Variants in SLC25A48 observed in about 807,000 individuals in gnomAD.
SLC25A48 encodes CTC-321K16.1.
SLC25A48 carries 29 observed loss-of-function variants against 32.2 expected under a neutral mutation model. The ratio of observed to expected loss-of-function variants is 0.90; its 90% CI spans 0.67 to 1.23. The LOEUF (loss-of-function observed/expected upper bound fraction) is 1.23. Among genes scored for constraint, SLC25A48 ranks in the 50% most tolerant of loss-of-function variants. The pLI is 0.00. For synonymous variants in SLC25A48, 164 were observed against 172.3 expected (o/e 0.95, Z 0.38); for missense variants, 399 against 422.7 (o/e 0.94, Z 0.49).
At chr5:135,667,099 C>T (rs183342498) in intron 3 of SLC25A48, among the ~76,000 whole-genome samples, 22 of 152,278 alleles carry the variant, frequency 1.4e-4, no homozygotes, top group African/African-American at 5.1e-4. Flanking sequence ...TTGCCCTGAG[C>T]TCTAGCCAAT....
chr5:135,629,432 CT>C lies in SLC25A48; in HGVS notation c.-709+57del, dbSNP rs1370032406. 2.0e-5 allele frequency: 3 copies of C among 152,366 alleles called. No homozygotes were observed. The highest frequency in any genetic ancestry group is 7.2e-5 in the African/African-American group (3 of 41,424). The allele number at this position is 152,366 out of a possible 1,614,324, so 9.4% of individuals were successfully genotyped here. A position where few individuals can be genotyped will look rare whatever the true frequency, so the allele number is the denominator to read the frequency against. Reference sequence around the variant, plus strand: ...CAGTGCCCCACTTTGTTGGCTGCCCCTGAGAGGCAGTTGGGTACACAGGGGT... The same window carrying C: ...CAGTGCCCCACTTTGTTGGCTGCCCCGAGAGGCAGTTGGGTACACAGGGGT... On this transcript the variant is annotated intron_variant, in intron 2 of 10. Coordinates refer to the SLC25A48 transcript ENST00000646290. The surrounding 1 kb of genome is among the most constrained non-coding windows in gnomAD (Gnocchi z 4.8).
intron 1 of SLC25A48, among the ~76,000 whole-genome samples, chr5:135,628,010 G>C (rs979080417): frequency 2.6e-5 from 4 of 152,200 alleles, no homozygotes; most frequent in African/African-American, 9.7e-5. Context: ...ACACAGGTGA[G>C]GGTGATGTGA....
chr5:135,794,599 G>T (rs1757118808), intron 3 of SLC25A48, among the ~76,000 whole-genome samples: 1 of 151,566 alleles, frequency 6.6e-6, no homozygotes. Context: ...ATGTGAAATT[G>T]TTCCTTATAT....
In SLC25A48 at chr5:135,702,491, G is replaced by A. The variant is rs556982942; in HGVS notation, c.-521+67535G>A. On this transcript the variant is annotated intron_variant, in intron 3 of 10. Coordinates refer to the SLC25A48 transcript ENST00000646290. Reference sequence around the variant, plus strand: ...CGGATTCTTCCCTGGGACCTTCAGCGTGAACACGGCCCTGCCAATCCCTTG... The same window carrying A: ...CGGATTCTTCCCTGGGACCTTCAGCATGAACACGGCCCTGCCAATCCCTTG... 6.5e-4 allele frequency among the ~76,000 whole-genome samples: 99 copies of A among 152,362 alleles called. 1 individual carries two copies. Among genetic ancestry groups the A allele is most frequent in the Non-Finnish European group, 9.7e-4 (66 of 68,038 alleles).
intron 3 of SLC25A48, among the ~76,000 whole-genome samples, chr5:135,664,231 C>T (rs757291413): frequency 2.0e-5 from 3 of 152,194 alleles, no homozygotes; most frequent in South Asian, 2.1e-4. Flanking sequence ...ACAGATATGG[C>T]GACAGACTCA....
chr5:135,683,392 CTCA>C (rs1753944547), intron 3 of SLC25A48, among the ~76,000 whole-genome samples: 1 of 152,230 alleles, frequency 6.6e-6, no homozygotes, highest in Non-Finnish European at 1.5e-5. Flanking sequence ...CAATCCCAAT[CTCA>C]TCTTTTGCTA....
At chr5:135,672,504 G>A (rs999093200) in intron 3 of SLC25A48, among the ~76,000 whole-genome samples, 1 of 152,134 alleles carries the variant, frequency 6.6e-6, no homozygotes, top group Admixed American at 6.5e-5. Context: ...TCAAACCCAT[G>A]GTCTCGTCTC....
At chr5:135,835,752 G>A (rs1178372593) in intron 1 of SLC25A48, among the ~76,000 whole-genome samples, 2 of 150,508 alleles carry the variant, frequency 1.3e-5, no homozygotes, top group African/African-American at 4.9e-5. Flanking sequence ...AGGGATGTTG[G>A]CAAATGTAGC....
At chr5:135,813,558 A>G (rs1757640946) in intron 4 of SLC25A48, among the ~76,000 whole-genome samples, 1 of 152,228 alleles carries the variant, frequency 6.6e-6, no homozygotes, top group African/African-American at 2.4e-5. Flanking sequence ...TGTTGTTACT[A>G]TGACCAGGAT....
intron 3 of SLC25A48, among the ~76,000 whole-genome samples, chr5:135,635,928 T>C (rs190794311): frequency 2.0e-5 from 3 of 152,260 alleles, no homozygotes; most frequent in Admixed American, 6.5e-5. Context: ...AGTAAGTCCA[T>C]CCCGAAGCAA....
intron 1 of SLC25A48, among the ~76,000 whole-genome samples, chr5:135,599,322 A>G (rs1326852460): frequency 6.6e-6 from 1 of 152,056 alleles, no homozygotes; most frequent in Non-Finnish European, 1.5e-5. Flanking sequence ...GTGGCTGTAC[A>G]CATCCCTCCC....
intron 3 of SLC25A48, among the ~76,000 whole-genome samples, chr5:135,811,414 G>A (rs1037090812): frequency 1.1e-4 from 17 of 152,184 alleles, no homozygotes; most frequent in Non-Finnish European, 1.9e-4. Context: ...CCAGAGGCTA[G>A]GGGTGGGGGA....
chr5:135,788,391 G>T (rs1756910304), intron 3 of SLC25A48, among the ~76,000 whole-genome samples: 1 of 148,730 alleles, frequency 6.7e-6, no homozygotes, highest in Non-Finnish European at 1.5e-5. Flanking sequence ...TAGTATCCAG[G>T]GAATTGAGAG....
chr5:135,673,200 ATCTTTGTGTGAAAATGTATTTTAATTCC>A (rs1218389680), intron 3 of SLC25A48, among the ~76,000 whole-genome samples: 2 of 152,168 alleles, frequency 1.3e-5, no homozygotes, highest in Non-Finnish European at 2.9e-5. Context: ...TTATGCCTAA[ATCTTTGTGTGAAAATGTATTTTAATTCC>A]TCTTTGCGTA....
intron 3 of SLC25A48, among the ~76,000 whole-genome samples, chr5:135,644,364 G>A (rs1399591977): frequency 6.6e-6 from 1 of 152,016 alleles, no homozygotes; most frequent in Non-Finnish European, 1.5e-5. Flanking sequence ...TGACACAGAC[G>A]GTAAAAGCCA....
chr5:135,842,688 C>G (rs1182520022), intron 2 of SLC25A48, among the ~76,000 whole-genome samples: 1 of 152,192 alleles, frequency 6.6e-6, no homozygotes, highest in East Asian at 1.9e-4. Flanking sequence ...CTATCATTAC[C>G]TGATGATGCA....
chr5:135,750,441 A>T (rs1222032036), intron 3 of SLC25A48, among the ~76,000 whole-genome samples: 1 of 152,124 alleles, frequency 6.6e-6, no homozygotes, highest in East Asian at 1.9e-4. Context: ...TCCCTCTCTC[A>T]GTATTCAGTG....
At chr5:135,845,333 T>C (rs1015319668) in intron 2 of SLC25A48, among the ~76,000 whole-genome samples, 11 of 152,200 alleles carry the variant, frequency 7.2e-5, no homozygotes, top group African/African-American at 2.7e-4. Flanking sequence ...TTTACAGGAG[T>C]GGAGCTCCCT....
At chr5:135,851,381 T>G (rs1036699806) in intron 3 of SLC25A48, among the ~76,000 whole-genome samples, 2 of 152,202 alleles carry the variant, frequency 1.3e-5, no homozygotes, top group Non-Finnish European at 2.9e-5. Context: ...CACAGTCCCC[T>G]GAAAGCGGCT....
Sources: allele counts gnomAD v4.1 joint callset (sites outside exome capture counted in the v4.1 genomes callset), GRCh38; gene constraint gnomAD v4.1.1; non-coding constraint Gnocchi (gnomAD v3.1); transcripts MANE v1.5; gene names NCBI Gene and HGNC (gene_info 2026-07-23, HGNC 2026-07-21).